Variants in TBX4 observed in about 807,000 individuals in gnomAD.
TBX4 encodes the protein T-box transcription factor TBX4.
A neutral mutation model predicts 54.6 loss-of-function variants in TBX4; 13 were observed. The observed-to-expected ratio is 0.24, with a 90% CI of 0.15 to 0.38. TBX4 has a LOEUF of 0.38. Ranked by LOEUF, TBX4 falls within the 10% of genes least tolerant of loss-of-function variation. The pLI, the probability that TBX4 is intolerant of heterozygous loss-of-function variation, is 1.00. For synonymous variants in TBX4, 314 were observed against 306.7 expected (o/e 1.02, Z -0.25); for missense variants, 631 against 728.5 (o/e 0.87, Z 1.54).
chr17:61,467,698 G>T (rs776316520), intron 5 of TBX4, 41 bp downstream of exon 5: 5 of 1,613,356 alleles, frequency 3.1e-6, no homozygotes, highest in Non-Finnish European at 3.4e-6. Flanking sequence ...GCAAGTCTGG[G>T]GCAGTTTTAG....
In TBX4 at chr17:61,478,362, C is replaced by T. The variant is rs1044578563; in HGVS notation, c.550-265C>T. ...GGCTGACTCAAGTTCTCCATTACCACAGTGAATCAACTGGTCACATCAAGG... is the reference window on the plus strand; with the variant it reads ...GGCTGACTCAAGTTCTCCATTACCATAGTGAATCAACTGGTCACATCAAGG... On this transcript the variant is annotated intron_variant, in intron 5 of 8. Transcript: ENST00000644296. The surrounding 1 kb of genome is among the most constrained non-coding windows in gnomAD (Gnocchi z 7.4). 5 of 534,118 alleles carry T rather than the reference C, an allele frequency of 9.4e-6. No homozygotes were observed. The highest frequency in any genetic ancestry group is 6.1e-5 in the South Asian group (3 of 49,322). The allele number at this position is 534,118 out of a possible 1,614,324, so 33.1% of individuals were successfully genotyped here. A position where few individuals can be genotyped will look rare whatever the true frequency, so the allele number is the denominator to read the frequency against.
chr17:61,454,417 C>T (rs1194863986), intron 1 of TBX4, among the ~76,000 whole-genome samples: 1 of 152,236 alleles, frequency 6.6e-6, no homozygotes, highest in Non-Finnish European at 1.5e-5. Flanking sequence ...ATGTGAAGGA[C>T]GAGAGCGGAC....
chr17:61,455,141 C>G (rs1242152794), intron 1 of TBX4, among the ~76,000 whole-genome samples: 2 of 152,196 alleles, frequency 1.3e-5, no homozygotes, highest in Non-Finnish European at 1.5e-5. Context: ...TGGGTTTTTC[C>G]CAACCCAGAC....
chr17:61,465,184 G>A lies in TBX4; in HGVS notation c.282-635G>A, dbSNP rs2060525865. ...TTCCCCTGATACTCAGGGTGCACAG[G>A]TCCAGGTGAGGTGTTCACAGGGAGA... On this transcript the variant is annotated intron_variant, in intron 3 of 8. Transcript: ENST00000644296. This position sits in a 1 kb window ranked among gnomAD's most constrained non-coding sequence, Gnocchi z 4.9. Among the ~76,000 whole-genome samples the A allele has an allele frequency of 6.6e-6, 1 of 152,160 alleles. No individual in the cohort carries two copies. Among genetic ancestry groups the A allele is most frequent in the South Asian group, 2.1e-4 (1 of 4,834 alleles).
chr17:61,468,321 G>A lies in TBX4; in HGVS notation c.549+664G>A, dbSNP rs541884032. 3.3e-5 allele frequency among the ~76,000 whole-genome samples: 5 copies of A among 152,314 alleles called. No individual in the cohort carries two copies. The South Asian group carries it at 1.0e-3, about 32-fold the overall frequency. ...CTCATTCTTTCCCCATCTGGCCCTGGAAAGTCCACAAAAAAGAGATTTTTA... is the reference window on the plus strand; with the variant it reads ...CTCATTCTTTCCCCATCTGGCCCTGAAAAGTCCACAAAAAAGAGATTTTTA... On this transcript the variant is annotated intron_variant, in intron 5 of 8. Transcript: ENST00000644296.
chr17:61,472,023 G>A lies in TBX4; in HGVS notation c.549+4366G>A, dbSNP rs779645988. Among the ~76,000 whole-genome samples, 2 of 151,378 alleles carry A rather than the reference G, an allele frequency of 1.3e-5. No homozygotes were observed. Among genetic ancestry groups the A allele is most frequent in the African/African-American group, 2.4e-5 (1 of 41,150 alleles). ...CTCCCAAAGTGCTGGGATTGCAGGC[G>A]TGTGCCACCGCGCCCGGCCTGCAGC... On this transcript the variant is annotated intron_variant, in intron 5 of 8. Transcript: ENST00000644296. This position sits in a 1 kb window ranked among gnomAD's most constrained non-coding sequence, Gnocchi z 4.5.
rs911181067 is a variant in TBX4, at chr17:61,484,752, A to G, written c.*1236A>G. ...AGCTATTTATATATTATATAAATAA[A>G]TAAATATATATATTATATATCGCTC... On this transcript the variant is annotated 3_prime_UTR_variant, in exon 9 of 9. Transcript: ENST00000644296. The surrounding 1 kb of genome is among the most constrained non-coding windows in gnomAD (Gnocchi z 4.1). The G allele has an allele frequency of 2.7e-5, 4 of 148,342 alleles. No homozygotes were observed. Among genetic ancestry groups the G allele is most frequent in the African/African-American group, 4.9e-5 (2 of 40,816 alleles). The allele number at this position is 148,342 out of a possible 1,614,324, so 9.2% of individuals were successfully genotyped here.
Position 61,465,756 on chromosome 17 carries a change from A to G in TBX4, c.282-63A>G. 1 of 1,608,776 alleles carries G rather than the reference A, an allele frequency of 6.2e-7. No individual in the cohort carries two copies. Among genetic ancestry groups the G allele is most frequent in the Non-Finnish European group, 8.5e-7 (1 of 1,176,942 alleles). On this transcript the variant is annotated intron_variant, in intron 3 of 8. Transcript: ENST00000644296. The surrounding 1 kb of genome is among the most constrained non-coding windows in gnomAD (Gnocchi z 4.9). ...TTAGCGGCCTTCTGCCCCCTTGCTC[A>G]CTCTGTTCCATCTCTCCTGGTGCTC...
At chr17:61,466,424 G>A (rs1213778745) in intron 4 of TBX4, among the ~76,000 whole-genome samples, 1 of 152,206 alleles carries the variant, frequency 6.6e-6, no homozygotes, top group African/African-American at 2.4e-5. Flanking sequence ...GACGAAGTGA[G>A]GCTCCACCAG....
chr17:61,454,660 T>A (rs1323648050), intron 1 of TBX4, among the ~76,000 whole-genome samples: 1 of 152,284 alleles, frequency 6.6e-6, no homozygotes, highest in African/African-American at 2.4e-5. Flanking sequence ...GCAGGCCTCG[T>A]CCCCAGTCCG....
At position 61,478,458 on chromosome 17, in the gene TBX4, C is replaced by A. The variant is rs1341208111; in HGVS notation, c.550-169C>A. 1.2e-6 allele frequency: 1 copy of A among 844,298 alleles called. No homozygotes were observed. The highest frequency in any genetic ancestry group is 1.6e-5 in the South Asian group (1 of 63,716). The allele number at this position is 844,298 out of a possible 1,614,324, so 52.3% of individuals were successfully genotyped here. On this transcript the variant is annotated intron_variant, in intron 5 of 8. Coordinates refer to ENST00000644296, the MANE Select transcript of TBX4 (RefSeq NM_001321120.2). The surrounding 1 kb of genome is among the most constrained non-coding windows in gnomAD (Gnocchi z 7.4). ...GGGCTGGGGTGGGGAGAGTTTGGGGCCCAGGGGCCTGGTTCTTCACTTGGG... is the reference window on the plus strand; with the variant it reads ...GGGCTGGGGTGGGGAGAGTTTGGGGACCAGGGGCCTGGTTCTTCACTTGGG...
In TBX4 at chr17:61,475,638, G is replaced by C. The variant is rs963560247; in HGVS notation, c.550-2989G>C. ...GAGGTGGATGACAGTGAGGAGGAGG[G>C]GAGTTGATGATGATACCCAGGGCTT... On this transcript the variant is annotated intron_variant, in intron 5 of 8. Coordinates refer to ENST00000644296, the MANE Select transcript of TBX4 (RefSeq NM_001321120.2). The surrounding 1 kb of genome is among the most constrained non-coding windows in gnomAD (Gnocchi z 5.0). Among the ~76,000 whole-genome samples the C allele has an allele frequency of 1.3e-5, 2 of 152,164 alleles. No individual in the cohort carries two copies. The highest frequency in any genetic ancestry group is 4.8e-5 in the African/African-American group (2 of 41,444).
At position 61,480,206 on chromosome 17, in the gene TBX4, A is replaced by G. The variant is rs2060653963; in HGVS notation, c.908A>G (p.Tyr303Cys). 1.2e-6 allele frequency: 2 copies of G among 1,613,960 alleles called. No individual in the cohort carries two copies. The highest frequency in any genetic ancestry group is 1.7e-6 in the Non-Finnish European group (2 of 1,180,024). The part of the protein sequence containing the change: ...LLGTHQALQH[Y>C]QHENGAHSQL... The stretch of plus-strand genomic sequence containing the variant: ...GGCACCCACCAGGCACTCCAGCACT[A>G]CCAGCACGAGAACGGGGCACACTCA... Residue 303 changes from tyrosine to cysteine, a missense_variant, in exon 8 of 9, where the codon TAC becomes TGC. This residue lies in a region of TBX4 where 354 missense variants were observed against 368.9 expected (regional missense o/e 0.96). Transcript: ENST00000644296. The surrounding 1 kb of genome is among the most constrained non-coding windows in gnomAD (Gnocchi z 6.2).
intron 3 of TBX4, among the ~76,000 whole-genome samples, chr17:61,463,688 A>G (rs1409430853): frequency 1.3e-5 from 2 of 152,196 alleles, no homozygotes; most frequent in African/African-American, 4.8e-5. Context: ...CCCTGGAGGG[A>G]AGCCATGGCT....
rs2060457322 is a variant in TBX4, at chr17:61,457,154, G to A, written c.187-383G>A. ...CGCACGGGATGCCGCCTGGGGATCT[G>A]TGTGCACTATCTGCAGGCGCGCGCC... On this transcript the variant is annotated intron_variant, in intron 2 of 8. Transcript: ENST00000644296. The surrounding 1 kb of genome is among the most constrained non-coding windows in gnomAD (Gnocchi z 8.2). Among the ~76,000 whole-genome samples the A allele has an allele frequency of 1.3e-5, 2 of 152,286 alleles. No individual in the cohort carries two copies. Among genetic ancestry groups the A allele is most frequent in the South Asian group, 4.1e-4 (2 of 4,826 alleles).
Position 61,465,163 on chromosome 17 carries a change from C to G in TBX4, c.282-656C>G, listed in dbSNP as rs1192114636. On this transcript the variant is annotated intron_variant, in intron 3 of 8. Transcript: ENST00000644296. This position sits in a 1 kb window ranked among gnomAD's most constrained non-coding sequence, Gnocchi z 4.9. ...CATGAGGCTCCTGGACCGACTTTCCCCTGATACTCAGGGTGCACAGGTCCA... is the reference window on the plus strand; with the variant it reads ...CATGAGGCTCCTGGACCGACTTTCCGCTGATACTCAGGGTGCACAGGTCCA... Among the ~76,000 whole-genome samples, 1 of 152,116 alleles carries G rather than the reference C, an allele frequency of 6.6e-6. No individual in the cohort carries two copies. Among genetic ancestry groups the G allele is most frequent in the Non-Finnish European group, 1.5e-5 (1 of 68,022 alleles).
chr17:61,483,558 G>A lies in TBX4; in HGVS notation c.*42G>A. 1 of 1,612,880 alleles carries A rather than the reference G, an allele frequency of 6.2e-7. No homozygotes were observed. Among genetic ancestry groups the A allele is most frequent in the Non-Finnish European group, 8.5e-7 (1 of 1,179,722 alleles). Reference sequence around the variant, plus strand: ...ATAGCCCCGGGACCGTGTTGCTCCAGTATTAACCTCTGTGGGTGGCCTGCA... The same window carrying A: ...ATAGCCCCGGGACCGTGTTGCTCCAATATTAACCTCTGTGGGTGGCCTGCA... On this transcript the variant is annotated 3_prime_UTR_variant, in exon 9 of 9. Coordinates refer to ENST00000644296, the MANE Select transcript of TBX4 (RefSeq NM_001321120.2). The surrounding 1 kb of genome is among the most constrained non-coding windows in gnomAD (Gnocchi z 6.6).
At position 61,472,070 on chromosome 17, in the gene TBX4, G is replaced by A. The variant is rs2060584003; in HGVS notation, c.549+4413G>A. On this transcript the variant is annotated intron_variant, in intron 5 of 8. Coordinates refer to ENST00000644296, the MANE Select transcript of TBX4 (RefSeq NM_001321120.2). This position sits in a 1 kb window ranked among gnomAD's most constrained non-coding sequence, Gnocchi z 4.5. ...CAGCTGCATAGAATTTTATCAAAAT[G>A]ATTGTTTCAGAAATCATGTAGCCAG... Among the ~76,000 whole-genome samples the A allele has an allele frequency of 6.6e-6, 1 of 152,084 alleles. No individual in the cohort carries two copies.
In TBX4 at chr17:61,460,889, G is replaced by C. The variant is rs755033126; in HGVS notation, c.281+3258G>C. 2.6e-5 allele frequency among the ~76,000 whole-genome samples: 4 copies of C among 152,160 alleles called. No individual in the cohort carries two copies. Among genetic ancestry groups the C allele is most frequent in the Non-Finnish European group, 5.9e-5 (4 of 68,038 alleles). On this transcript the variant is annotated intron_variant, in intron 3 of 8. Coordinates refer to ENST00000644296, the MANE Select transcript of TBX4 (RefSeq NM_001321120.2). This position sits in a 1 kb window ranked among gnomAD's most constrained non-coding sequence, Gnocchi z 4.4. ...CTTGTGTTAGTGACAGTGAATTTGC[G>C]TTTGAAAAATGAACTACCGATGAGA...
Sources: gnomAD v4.1 joint callset for allele counts (sites outside exome capture counted in the v4.1 genomes callset) on GRCh38, gnomAD v4.1.1 for gene constraint, gnomAD v4.1.1 regional missense constraint, Gnocchi (gnomAD v3.1) non-coding constraint, MANE v1.5 for transcripts, NCBI Gene and HGNC (gene_info 2026-07-23, HGNC 2026-07-21) for gene names.